PRR11: variants seen among roughly 807,000 people sequenced by gnomAD.
The protein encoded by PRR11 is proline-rich protein 11.
A neutral mutation model predicts 45.6 loss-of-function variants in PRR11; 30 were observed. That is an observed-to-expected ratio of 0.66 (90% CI 0.49 to 0.89). PRR11 has a LOEUF of 0.89. PRR11 is among the 40% of genes least tolerant of loss of function. The pLI is 0.00. For synonymous variants in PRR11, 128 were observed against 153.5 expected, an observed-to-expected ratio of 0.83 and a Z score of 1.23; for missense variants, 373 against 424.8, an observed-to-expected ratio of 0.88 and a Z score of 1.07.
chr17:59,195,238 A>C lies in PRR11; in HGVS notation c.745-93A>C, dbSNP rs886347033. ...AGCATACTGGATATATCTTACACAAACTCAGCACTCAGATATTTGCCGTTT... is the reference window on the plus strand; with the variant it reads ...AGCATACTGGATATATCTTACACAACCTCAGCACTCAGATATTTGCCGTTT... On this transcript the variant is annotated intron_variant, in intron 6 of 9. Transcript: ENST00000262293. 3 of 937,540 alleles carry C rather than the reference A, an allele frequency of 3.2e-6. No individual in the cohort carries two copies. In the South Asian group the frequency reaches 4.2e-5, roughly 13 times the overall value. The allele number at this position is 937,540 out of a possible 1,614,324, so 58.1% of individuals were successfully genotyped here.
chr17:59,179,111 T>C (rs1246139541), intron 2 of PRR11, among the ~76,000 whole-genome samples: 1 of 152,184 alleles, frequency 6.6e-6, no homozygotes, highest in Non-Finnish European at 1.5e-5. Context: ...GCGATTCTCC[T>C]GTCTCAGTCC....
rs112895751 is a variant in PRR11, at chr17:59,197,397, G to A, written c.858-147G>A. On this transcript the variant is annotated intron_variant, in intron 7 of 9. Transcript: ENST00000262293. ...CTCCCGAGTAGCTGGGACTACAGGC[G>A]CCCACCACCACACCTGGCTAATTTT... The A allele has an allele frequency of 1.0e-4, 68 of 672,682 alleles. No homozygotes were observed. In the East Asian group the frequency reaches 1.6e-3, roughly 16 times the overall value. The allele number at this position is 672,682 out of a possible 1,614,324, so 41.7% of individuals were successfully genotyped here.
chr17:59,193,345 CTT>C, intron 4 of PRR11, 145 bp from the exon 5 acceptor site: 1 of 1,047,184 alleles, frequency 9.5e-7, no homozygotes, highest in Non-Finnish European at 1.4e-6. Flanking sequence ...AATGAAGAAA[CTT>C]ATGATTATAA....
intron 3 of PRR11, 42 bp from the exon 4 acceptor site, chr17:59,185,398 A>G (rs953091572): frequency 7.6e-6 from 12 of 1,575,944 alleles, no homozygotes; most frequent in Non-Finnish European, 1.0e-5. Flanking sequence ...TGTCCTTATC[A>G]TATTACTCAT....
intron 4 of PRR11, among the ~76,000 whole-genome samples, chr17:59,189,068 G>A (rs1028722132): frequency 4.6e-5 from 7 of 151,634 alleles, no homozygotes; most frequent in East Asian, 1.9e-4. Flanking sequence ...GGAGGCCAAG[G>A]TGGTTGGATC....
chr17:59,205,546 A>G lies in PRR11; in HGVS notation c.*3915A>G, dbSNP rs2046913767. On this transcript the variant is annotated 3_prime_UTR_variant, in exon 10 of 10. Coordinates refer to ENST00000262293, the MANE Select transcript of PRR11 (RefSeq NM_018304.4). ...GTGAAACCCTGTCTCTACTAAAAAT[A>G]CAAAAATTAGCCGGGCATAGTGGCA... Among the ~76,000 whole-genome samples, 2 of 145,098 alleles carry G rather than the reference A, an allele frequency of 1.4e-5. No homozygotes were observed. The highest frequency in any genetic ancestry group is 6.9e-5 in the Admixed American group (1 of 14,502).
At chr17:59,162,123 G>C (rs2046655468) in intron 1 of PRR11, among the ~76,000 whole-genome samples, 1 of 151,932 alleles carries the variant, frequency 6.6e-6, no homozygotes, top group Admixed American at 6.6e-5. Flanking sequence ...TACCCTGACA[G>C]ATTTTGCATG....
intron 1 of PRR11, among the ~76,000 whole-genome samples, chr17:59,163,060 A>G (rs567170836): frequency 6.6e-6 from 1 of 151,096 alleles, no homozygotes; most frequent in South Asian, 2.1e-4. Flanking sequence ...GTATACCTAC[A>G]TCATCATTTT....
intron 2 of PRR11, chr17:59,174,942 AC>A: frequency 2.1e-6 from 2 of 939,896 alleles, no homozygotes. Flanking sequence ...TCCTCCACCT[AC>A]CCCCACCCCG....
rs556973443 is a variant in PRR11 at position 59,173,995 on chromosome 17, TCTAA to T, written c.128+4119_128+4122del. 5.5e-3 allele frequency among the ~76,000 whole-genome samples: 842 copies of T among 152,290 alleles called. 8 individuals carry two copies. Among genetic ancestry groups the T allele is most frequent in the African/African-American group, 0.019 (798 of 41,542 alleles). ...AAGGTTATTCACGTCCCACATCAAG[TCTAA>T]CTAGAGTTCAGAGCAGTTGAGAAAT... On this transcript the variant is annotated intron_variant, in intron 2 of 9. Coordinates refer to ENST00000262293, the MANE Select transcript of PRR11 (RefSeq NM_018304.4).
rs71300619 is a variant in PRR11, at chr17:59,180,519, G to GTTTTTTTTTGT, written c.129-4527_129-4526insTGTTTTTTTTT. On this transcript the variant is annotated intron_variant, in intron 2 of 9. Transcript: ENST00000262293. ...TTGTTTTTTTTTTTTTGTTTTTTTT[G>GTTTTTTTTTGT]TTTTTTTTGCCACAGGGTCTCAGTC... is the stretch of plus-strand genomic sequence containing the variant. Among the ~76,000 whole-genome samples the GTTTTTTTTTGT allele has an allele frequency of 6.0e-4, 74 of 122,944 alleles. 5 individuals carry two copies. The South Asian group carries it at 0.018, about 29-fold the overall frequency. The allele number at this position is 122,944 out of a possible 152,430, so 80.7% of individuals were successfully genotyped here.
chr17:59,175,093 C>A, intron 2 of PRR11: 2 of 566,720 alleles, frequency 3.5e-6, no homozygotes, highest in Non-Finnish European at 6.3e-6. Context: ...CATTTGGAGG[C>A]CTCGTTGTCC....
intron 9 of PRR11, among the ~76,000 whole-genome samples, chr17:59,200,782 G>C (rs1159854937): frequency 6.6e-6 from 1 of 151,996 alleles, no homozygotes; most frequent in South Asian, 2.1e-4. Flanking sequence ...GTGAGCCACC[G>C]GGCCCAGCCT....
intron 1 of PRR11, among the ~76,000 whole-genome samples, chr17:59,169,173 G>A (rs1366013359): frequency 2.8e-5 from 4 of 140,776 alleles, no homozygotes; most frequent in African/African-American, 1.1e-4. Flanking sequence ...ATCTCAGCTC[G>A]CCACAACCTC....
At chr17:59,197,425 G>A (rs1035116439) in intron 7 of PRR11, 119 bp from the exon 8 acceptor site, 5 of 944,380 alleles carry the variant, frequency 5.3e-6, no homozygotes, top group African/African-American at 5.1e-5. Flanking sequence ...CTAATTTTTT[G>A]TATTTTTAAT....
At chr17:59,179,980 A>C in intron 2 of PRR11, 1 of 1,153,172 alleles carries the variant, frequency 8.7e-7, no homozygotes, top group Middle Eastern at 3.0e-4. Context: ...CCAGCCTCGC[A>C]GACTGCTGGC....
At chr17:59,191,499 G>A (rs938482800) in intron 4 of PRR11, among the ~76,000 whole-genome samples, 1 of 152,004 alleles carries the variant, frequency 6.6e-6, no homozygotes, top group Admixed American at 6.6e-5. Flanking sequence ...GATTATAGAC[G>A]TGAGCCACCG....
chr17:59,200,468 T>C (rs570838589), intron 9 of PRR11, among the ~76,000 whole-genome samples: 85 of 152,204 alleles, frequency 5.6e-4, no homozygotes, highest in African/African-American at 2.0e-3. Flanking sequence ...TTTTTTAATA[T>C]ATACAACTAA....
At chr17:59,162,247 C>CAG (rs1341794011) in intron 1 of PRR11, among the ~76,000 whole-genome samples, 4 of 141,308 alleles carry the variant, frequency 2.8e-5, no homozygotes, top group Admixed American at 6.8e-5. Flanking sequence ...CACACACACA[C>CAG]ACAGAGAGAG....
Sources: gnomAD v4.1 joint callset for allele counts (sites outside exome capture counted in the v4.1 genomes callset) on GRCh38, gnomAD v4.1.1 for gene constraint, MANE v1.5 for transcripts, NCBI Gene and HGNC (gene_info 2026-07-23, HGNC 2026-07-21) for gene names.